Variants in PTK7 observed in about 807,000 individuals in gnomAD.
PTK7 encodes inactive tyrosine-protein kinase 7.
Under a neutral mutation model 116.6 loss-of-function variants are expected in PTK7, and 39 were observed. The ratio of observed to expected loss-of-function variants is 0.33; its 90% CI spans 0.26 to 0.44. PTK7 has a LOEUF of 0.44. Among genes scored for constraint, PTK7 ranks in the 20% least tolerant of loss-of-function variants. PTK7 has a pLI of 1.00. For synonymous variants in PTK7, 546 were observed against 563.6 expected (o/e 0.97, Z 0.44); for missense variants, 1,169 against 1,425.6 (o/e 0.82, Z 2.90).
intron 17 of PTK7, among the ~76,000 whole-genome samples, chr6:43,155,645 CAA>C (rs60105248): frequency 4.4e-5 from 6 of 136,206 alleles, no homozygotes; most frequent in Non-Finnish European, 9.7e-5. Flanking sequence ...AAGACTCCAT[CAA>C]AAAAAAAAAA....
rs950650232 is a variant in PTK7 at position 43,161,189 on chromosome 6, C to T, written c.*308C>T. 5.4e-5 allele frequency: 16 copies of T among 297,770 alleles called. No homozygotes were observed. In the Admixed American group the frequency reaches 5.4e-4, roughly 10 times the overall value. The allele number at this position is 297,770 out of a possible 1,614,324, so 18.4% of individuals were successfully genotyped here. A position where few individuals can be genotyped will look rare whatever the true frequency, so the allele number is the denominator to read the frequency against. ...CCCAATTTCTGGCCTTCAACTTCTCCCCTTGACCGGGTCCAACTCTGCCAC... is the reference window on the plus strand; with the variant it reads ...CCCAATTTCTGGCCTTCAACTTCTCTCCTTGACCGGGTCCAACTCTGCCAC... On this transcript the variant is annotated 3_prime_UTR_variant, in exon 20 of 20. Coordinates refer to ENST00000230419, the MANE Select transcript of PTK7 (RefSeq NM_002821.5).
chr6:43,121,056 G>GTT (rs564738874), intron 1 of PTK7, among the ~76,000 whole-genome samples: 56 of 119,702 alleles, frequency 4.7e-4, no homozygotes, highest in African/African-American at 1.1e-3. Context: ...CCATGTTTCT[G>GTT]TTTTTTTTTT....
At chr6:43,154,992 G>A (rs1002399807) in intron 17 of PTK7, among the ~76,000 whole-genome samples, 1 of 152,236 alleles carries the variant, frequency 6.6e-6, no homozygotes, top group African/African-American at 2.4e-5. Flanking sequence ...TGCATGTGTG[G>A]AGAGAGGCAA....
chr6:43,156,228 CAAAAAAAA>C (rs5875828), intron 17 of PTK7, among the ~76,000 whole-genome samples: 25 of 47,298 alleles, frequency 5.3e-4, no homozygotes, highest in East Asian at 2.4e-3. Context: ...TACCCTGTCT[CAAAAAAAA>C]AAAAAAAAAA....
chr6:43,109,509 T>G (rs1161970557), intron 1 of PTK7, among the ~76,000 whole-genome samples: 2 of 152,254 alleles, frequency 1.3e-5, no homozygotes, highest in South Asian at 2.1e-4. Context: ...TTTAGAACAT[T>G]AGTACAATAT....
intron 17 of PTK7, among the ~76,000 whole-genome samples, chr6:43,157,363 TATTTTTTTTTTTC>T (rs1771544531): frequency 2.5e-4 from 9 of 36,038 alleles, no homozygotes; most frequent in African/African-American, 1.3e-3. Flanking sequence ...TATATATATA[TATTTTTTTTTTTC>T]TTTTTTTTTT....
chr6:43,078,391 C>T (rs1430264235), intron 1 of PTK7, among the ~76,000 whole-genome samples: 2 of 152,106 alleles, frequency 1.3e-5, no homozygotes, highest in African/African-American at 4.8e-5. Flanking sequence ...TAATGAGAGC[C>T]TTAAATCAAT....
chr6:43,138,766 G>A, intron 7 of PTK7, 83 bp from the exon 8 acceptor site: 2 of 1,503,838 alleles, frequency 1.3e-6, no homozygotes, highest in South Asian at 2.7e-5. Context: ...GGCCTAGAAT[G>A]GTAGTAGGAT....
In PTK7 at chr6:43,143,309, G is replaced by A. The variant is rs1048598637; in HGVS notation, c.2048-108G>A. 18 of 1,107,496 alleles carry A rather than the reference G, an allele frequency of 1.6e-5. No individual in the cohort carries two copies. Among genetic ancestry groups the A allele is most frequent in the East Asian group, 7.2e-5 (3 of 41,894 alleles). 68.6% of individuals were successfully genotyped at this position (1,107,496 alleles called of 1,614,324 possible). ...AGCCAGTGAAGGTGGTGACCCTCCC[G>A]GGCCATCTGTTAAGTTGCCCTGTTG... On this transcript the variant is annotated intron_variant, in intron 13 of 19. Transcript: ENST00000230419. The surrounding 1 kb of genome is among the most constrained non-coding windows in gnomAD (Gnocchi z 4.2).
intron 19 of PTK7, 27 bp from the exon 20 acceptor site, chr6:43,160,694 A>G (rs1475854433): frequency 3.1e-6 from 5 of 1,612,500 alleles, no homozygotes; most frequent in East Asian, 2.2e-5. Flanking sequence ...GTTTTGGCCA[A>G]CACTGCACCT....
At chr6:43,101,765 G>A (rs150387592) in intron 1 of PTK7, among the ~76,000 whole-genome samples, 133 of 152,250 alleles carry the variant, frequency 8.7e-4, no homozygotes, top group African/African-American at 3.0e-3. Context: ...ACTTAGAAAC[G>A]TTGGTGTAAA....
chr6:43,155,430 T>C (rs1771367686), intron 17 of PTK7, among the ~76,000 whole-genome samples: 1 of 151,956 alleles, frequency 6.6e-6, no homozygotes, highest in South Asian at 2.1e-4. Context: ...ATCACGAGGT[T>C]AGGGGTTCGA....
intron 13 of PTK7, 136 bp downstream of exon 13, chr6:43,142,435 A>G (rs1421750872): frequency 2.3e-6 from 3 of 1,315,772 alleles, no homozygotes; most frequent in South Asian, 1.3e-5. Context: ...CCGTCTCACC[A>G]TGCTGCTGCA....
chr6:43,116,493 T>C (rs1768527487), intron 1 of PTK7, among the ~76,000 whole-genome samples: 1 of 152,216 alleles, frequency 6.6e-6, no homozygotes, highest in Non-Finnish European at 1.5e-5. Context: ...CTTCTAAATA[T>C]AAAAGTATGA....
Position 43,141,496 on chromosome 6 carries a change from AGAGGGGTAAATAACG to A in PTK7, c.1619-165_1619-151del, listed in dbSNP as rs1252814683. ...GAAGAGGTGAGACTGAAGAATTGGA[AGAGGGGTAAATAACG>A]GAGGGGCTTCTAACACTTGGCTCAG... On this transcript the variant is annotated intron_variant, in intron 10 of 19. Coordinates refer to ENST00000230419, the MANE Select transcript of PTK7 (RefSeq NM_002821.5). The surrounding 1 kb of genome is among the most constrained non-coding windows in gnomAD (Gnocchi z 4.9). Among the ~76,000 whole-genome samples the A allele has an allele frequency of 6.6e-6, 1 of 152,160 alleles. No individual in the cohort carries two copies. The highest frequency in any genetic ancestry group is 1.5e-5 in the Non-Finnish European group (1 of 68,012).
At chr6:43,137,051 A>G (rs564565134) in intron 7 of PTK7, among the ~76,000 whole-genome samples, 37 of 152,334 alleles carry the variant, frequency 2.4e-4, no homozygotes, top group African/African-American at 8.2e-4. Context: ...GAAAGTGTCA[A>G]CATCACATTG....
intron 1 of PTK7, among the ~76,000 whole-genome samples, chr6:43,124,970 C>T (rs556121237): frequency 5.9e-5 from 9 of 152,150 alleles, no homozygotes; most frequent in African/African-American, 1.9e-4. Context: ...GTTGGGAGTT[C>T]GAGACCAGCC....
At position 43,130,573 on chromosome 6, in the gene PTK7, G is replaced by A; in HGVS notation, c.724G>A (p.Ala242Thr). 6.2e-7 allele frequency: 1 copy of A among 1,614,154 alleles called. No homozygotes were observed. Among genetic ancestry groups the A allele is most frequent in the Non-Finnish European group, 8.5e-7 (1 of 1,180,016 alleles). ...QDVVVARYEEAMFHCQFSAQP... is the reference protein window; with the variant it reads ...QDVVVARYEETMFHCQFSAQP... ...CGTGGTAGTAGCGAGGTATGAGGAG[G>A]CCATGTTCCATTGCCAGTTCTCAGC... is the stretch of plus-strand genomic sequence containing the variant. Residue 242 changes from alanine (A) to threonine (T), a missense_variant, in exon 5 of 20, where the codon GCC (alanine) becomes ACC (threonine). Coordinates refer to ENST00000230419, the MANE Select transcript of PTK7 (RefSeq NM_002821.5).
At chr6:43,123,109 A>G (rs141398844) in intron 1 of PTK7, among the ~76,000 whole-genome samples, 16 of 152,080 alleles carry the variant, frequency 1.1e-4, no homozygotes, top group South Asian at 4.1e-4. Flanking sequence ...GGGTCTTTCT[A>G]TCTCAGCCTG....
Sources: allele counts gnomAD v4.1 joint callset (sites outside exome capture counted in the v4.1 genomes callset), GRCh38; gene constraint gnomAD v4.1.1; non-coding constraint Gnocchi (gnomAD v3.1); transcripts MANE v1.5; gene names NCBI Gene and HGNC (gene_info 2026-07-23, HGNC 2026-07-21).